DNAH17: variants seen among roughly 807,000 people sequenced by gnomAD.
DNAH17 encodes dynein axonemal heavy chain 17.
DNAH17 carries 376 observed loss-of-function variants against 485.6 expected under a neutral mutation model. That is an observed-to-expected ratio of 0.77 (90% confidence interval 0.71 to 0.84). The LOEUF is 0.84. DNAH17 is among the 40% of genes least tolerant of loss of function. The pLI is 0.00. For missense variants in DNAH17, 6,370 were observed against 5,839.3 expected, an observed-to-expected ratio of 1.09 and a Z score of -2.96; for synonymous variants, 3,031 against 2,405.9, an observed-to-expected ratio of 1.26 and a Z score of -7.60.
intron 15 of DNAH17, 102 bp downstream of exon 15, chr17:78,552,595 C>A (rs1418005914): frequency 2.7e-6 from 2 of 728,260 alleles, no homozygotes; most frequent in East Asian, 5.2e-5. Flanking sequence ...ATCCACACAG[C>A]CAGGAGGCAG....
Position 78,425,427 on chromosome 17 carries a change from C to A in DNAH17, c.13060G>T (p.Val4354Phe), listed in dbSNP as rs775496425. 1.2e-6 allele frequency: 2 copies of A among 1,613,972 alleles called. No individual in the cohort carries two copies. Among genetic ancestry groups the A allele is most frequent in the Non-Finnish European group, 1.7e-6 (2 of 1,179,860 alleles). Residue 4354 changes from valine (V) to phenylalanine (F), a missense_variant, in exon 80 of 81, where the codon GTC becomes TTC. Transcript: ENST00000389840. ...TCTCGGTTTTTCTTGGTCACCTCGA[C>A]AGACAGACACATCTTGTCCAGGGGC... ...EWPLDKMCLSVEVTKKNREDM... is the reference protein window; with the variant it reads ...EWPLDKMCLSFEVTKKNREDM...
intron 56 of DNAH17, among the ~76,000 whole-genome samples, chr17:78,464,783 C>T (rs2088331667): frequency 6.6e-6 from 1 of 152,224 alleles, no homozygotes; most frequent in African/African-American, 2.4e-5. Flanking sequence ...GCCTTGGCTG[C>T]GCCGGGGCTG....
chr17:78,471,030 C>T lies in DNAH17; in HGVS notation c.8512-2147G>A, dbSNP rs574241625. On this transcript the variant is annotated intron_variant, in intron 54 of 80. Transcript: ENST00000389840. The stretch of plus-strand genomic sequence containing the variant: ...GTTCAGAAATGCCTGCCAGTTTCAT[C>T]CAAGTAGTGATGTGTATTTCCAGCG... Among the ~76,000 whole-genome samples, 54 of 152,260 alleles carry T rather than the reference C, an allele frequency of 3.5e-4. No individual in the cohort carries two copies. In the South Asian group the frequency reaches 0.01, roughly 29 times the overall value.
intron 56 of DNAH17, among the ~76,000 whole-genome samples, chr17:78,463,714 T>C (rs1294130404): frequency 6.6e-6 from 1 of 152,276 alleles, no homozygotes. Context: ...GGCTGGGTCC[T>C]GGGATTTAGA....
intron 64 of DNAH17, among the ~76,000 whole-genome samples, chr17:78,454,028 T>G (rs1196882843): frequency 6.6e-6 from 1 of 152,132 alleles, no homozygotes; most frequent in African/African-American, 2.4e-5. Context: ...TTTGAGTAGC[T>G]TTATGGCCAC....
chr17:78,544,202 G>T (rs1241511622), intron 16 of DNAH17, among the ~76,000 whole-genome samples: 1 of 152,114 alleles, frequency 6.6e-6, no homozygotes, highest in East Asian at 1.9e-4. Flanking sequence ...AAATAATTTA[G>T]CTCAAAACCA....
chr17:78,484,739 A>ACCCCCCCTGCCCCCCC, intron 48 of DNAH17, 129 bp downstream of exon 48: 1 of 347,798 alleles, frequency 2.9e-6, no homozygotes, highest in Non-Finnish European at 4.6e-6. Flanking sequence ...ACGTTGCAGC[A>ACCCCCCCTGCCCCCCC]CCCCCCCCAC....
chr17:78,544,033 T>C (rs369814937), intron 16 of DNAH17, 36 bp from the exon 17 acceptor site: 2 of 1,612,950 alleles, frequency 1.2e-6, no homozygotes, highest in East Asian at 2.2e-5. Context: ...AAAGGTGTTC[T>C]GGAGAAACTG....
chr17:78,451,480 C>A lies in DNAH17; in HGVS notation c.10723G>T (p.Glu3575Ter). ...AVVAKERPDL[E>*]QLKANLTKSQ... ...CTTCAGGCCATTACCTTCAGCTGTT[C>A]CAGATCTGGGCGCTCTTTGGCCACC... is the stretch of plus-strand genomic sequence containing the variant. The change falls in exon 66 of 81, where the codon GAA (glutamate) becomes TAA (stop). Residue 3575 changes from glutamate to a stop codon, truncating the protein, a stop_gained. Coordinates refer to ENST00000389840, the MANE Select transcript of DNAH17 (RefSeq NM_173628.4). LOFTEE classifies it high-confidence loss of function. The A allele has an allele frequency of 6.2e-7, 1 of 1,610,652 alleles. No homozygotes were observed. The highest frequency in any genetic ancestry group is 1.1e-5 in the South Asian group (1 of 90,642).
chr17:78,524,978 G>T, intron 25 of DNAH17, 31 bp downstream of exon 25: 1 of 1,584,462 alleles, frequency 6.3e-7, no homozygotes, highest in Non-Finnish European at 8.6e-7. Context: ...AGAATCCCGG[G>T]CCCCACCCAC....
At chr17:78,487,299 C>T (rs1442144349) in intron 44 of DNAH17, among the ~76,000 whole-genome samples, 1 of 152,186 alleles carries the variant, frequency 6.6e-6, no homozygotes, top group East Asian at 1.9e-4. Flanking sequence ...CCCTCATTTC[C>T]AAGGACTACA....
Position 78,526,678 on chromosome 17 carries a change from G to T in DNAH17, c.3684C>A (p.Asp1228Glu). 2 of 1,610,754 alleles carry T rather than the reference G, an allele frequency of 1.2e-6. No individual in the cohort carries two copies. Among genetic ancestry groups the T allele is most frequent in the Non-Finnish European group, 1.7e-6 (2 of 1,177,572 alleles). ...FRREAPFSFS[D>E]PNPYKSLNKQ... ...TATTCAGGGACTTGTAGGGGTTGGG[G>T]TCGCTGAAGGAGAACGGGGCCTCGC... is the stretch of plus-strand genomic sequence containing the variant. Residue 1228 changes from aspartate to glutamate, a missense_variant, in exon 24 of 81, where the codon GAC (aspartate) becomes GAA (glutamate). Transcript: ENST00000389840.
At chr17:78,478,719 T>C (rs1369374655) in intron 51 of DNAH17, among the ~76,000 whole-genome samples, 1 of 143,322 alleles carries the variant, frequency 7.0e-6, no homozygotes, top group African/African-American at 2.9e-5. Context: ...ACCACCACTA[T>C]TGCCATCATC....
chr17:78,504,683 G>C (rs535137217), intron 31 of DNAH17, among the ~76,000 whole-genome samples: 10 of 152,272 alleles, frequency 6.6e-5, no homozygotes, highest in African/African-American at 2.4e-4. Flanking sequence ...GGGCAGCCCG[G>C]AAGTTTTCTG....
chr17:78,483,647 A>G (rs989280922), intron 48 of DNAH17, among the ~76,000 whole-genome samples: 3 of 68,322 alleles, frequency 4.4e-5, no homozygotes, highest in African/African-American at 1.6e-4. Context: ...AATAATAATA[A>G]TAATAATAAT....
Position 78,525,076 on chromosome 17 carries a change from T to C in DNAH17, c.3797A>G (p.Tyr1266Cys), listed in dbSNP as rs753087297. The C allele has an allele frequency of 1.9e-6, 3 of 1,613,824 alleles. No individual in the cohort carries two copies. The highest frequency in any genetic ancestry group is 2.2e-5 in the South Asian group (2 of 91,082). Residue 1266 changes from tyrosine (Y) to cysteine (C), a missense_variant, in exon 25 of 81, where the codon TAC (tyrosine) becomes TGC (cysteine). Physicochemically the swap from Tyr to Cys is radical, Grantham distance 194. Transcript: ENST00000389840. The stretch of plus-strand genomic sequence containing the variant: ...CCGGTGGCAGGCCTTGAGCTGCTTG[T>C]AGTCTGGGACGGGGACCTCGAACAG... ...GGLFEVPVPD[Y>C]KQLKACHREV...
intron 16 of DNAH17, among the ~76,000 whole-genome samples, chr17:78,550,959 C>T (rs544972941): frequency 1.1e-4 from 17 of 152,288 alleles, no homozygotes; most frequent in African/African-American, 3.9e-4. Context: ...TGGCTCACGC[C>T]TGTAATCCCA....
In DNAH17 at chr17:78,552,512, CTTT is replaced by C. The variant is rs35637364; in HGVS notation, c.2287+182_2287+184del. On this transcript the variant is annotated intron_variant, in intron 15 of 80. Transcript: ENST00000389840. ...TCCGTTTCTAAGTGACACAGATGGG[CTTT>C]TTTTTTTTTTTTTTGCCTGGGCAGG... 0.097 allele frequency among the ~76,000 whole-genome samples: 12,783 copies of C among 132,422 alleles called. 623 individuals are homozygous for C. Among genetic ancestry groups the C allele is most frequent in the South Asian group, 0.17 (718 of 4,158 alleles). 86.9% of individuals were successfully genotyped at this position (132,422 alleles called of 152,430 possible).
At position 78,467,216 on chromosome 17, in the gene DNAH17, G is replaced by A. The variant is rs115333668; in HGVS notation, c.8779-400C>T. ...AGTGGCTAATTCCCAGAAAGGGCAG[G>A]GAGTCCCTGGGATCCCAGCTGGAGA... On this transcript the variant is annotated intron_variant, in intron 55 of 80. Coordinates refer to ENST00000389840, the MANE Select transcript of DNAH17 (RefSeq NM_173628.4). Among the ~76,000 whole-genome samples the A allele has an allele frequency of 3.8e-3, 585 of 152,348 alleles. 2 individuals are homozygous for A. Among genetic ancestry groups the A allele is most frequent in the African/African-American group, 0.014 (566 of 41,592 alleles).
Sources: allele counts gnomAD v4.1 joint callset (sites outside exome capture counted in the v4.1 genomes callset), GRCh38; gene constraint gnomAD v4.1.1; transcripts MANE v1.5; gene names NCBI Gene and HGNC (gene_info 2026-07-23, HGNC 2026-07-21).